Variants in RIMS2 observed in about 807,000 individuals in gnomAD.
The protein encoded by RIMS2 is regulating synaptic membrane exocytosis protein 2.
A neutral mutation model predicts 174.4 loss-of-function variants in RIMS2; 59 were observed. The ratio of observed to expected loss-of-function variants is 0.34; its 90% CI spans 0.27 to 0.42. The LOEUF is 0.42. RIMS2 is among the 10% of genes least tolerant of loss of function. The pLI, the probability that RIMS2 is intolerant of heterozygous loss-of-function variation, is 1.00. For synonymous variants in RIMS2, 606 were observed against 572.5 expected, an observed-to-expected ratio of 1.06 and a Z score of -0.84; for missense variants, 1,620 against 1,666.3, an observed-to-expected ratio of 0.97 and a Z score of 0.48.
intron 3 of RIMS2, among the ~76,000 whole-genome samples, chr8:103,825,811 A>G (rs140059398): frequency 2.6e-4 from 40 of 152,268 alleles, no homozygotes; most frequent in Non-Finnish European, 4.4e-4. Flanking sequence ...CATCATTTTT[A>G]AAAGCACATT....
intron 3 of RIMS2, among the ~76,000 whole-genome samples, chr8:103,847,325 G>A (rs1047029174): frequency 6.6e-6 from 1 of 152,024 alleles, no homozygotes; most frequent in Non-Finnish European, 1.5e-5. Context: ...AATATACTGT[G>A]TCCTGAAGGA....
At chr8:104,239,241 A>G (rs1203402078) in intron 19 of RIMS2, among the ~76,000 whole-genome samples, 19 of 152,306 alleles carry the variant, frequency 1.2e-4, no homozygotes, top group Admixed American at 1.2e-3. Flanking sequence ...ATTAGGGGAA[A>G]CTGACCCTTT....
chr8:104,013,679 T>C, intron 18 of RIMS2, 58 bp downstream of exon 20: 1 of 1,425,224 alleles, frequency 7.0e-7, no homozygotes, highest in Non-Finnish European at 9.8e-7. Context: ...CACCATTTTA[T>C]TTTCCCAACA....
chr8:103,670,650 G>A (rs1427375687), intron 1 of RIMS2, among the ~76,000 whole-genome samples: 1 of 152,146 alleles, frequency 6.6e-6, no homozygotes, highest in African/African-American at 2.4e-5. Context: ...GGGACAAAAT[G>A]TTGCCAGTCT....
At chr8:103,676,067 C>T (rs1008494657) in intron 1 of RIMS2, among the ~76,000 whole-genome samples, 1 of 152,062 alleles carries the variant, frequency 6.6e-6, no homozygotes, top group African/African-American at 2.4e-5. Context: ...AAAAAAGGTA[C>T]ATAAAGACCC....
intron 14 of RIMS2, among the ~76,000 whole-genome samples, chr8:103,945,445 A>G (rs1254477812): frequency 1.3e-5 from 2 of 152,146 alleles, no homozygotes. Context: ...CTATAAGGCC[A>G]GTATTTTCCT....
intron 3 of RIMS2, among the ~76,000 whole-genome samples, chr8:103,828,250 G>C (rs866821025): frequency 2.3e-4 from 35 of 152,054 alleles, no homozygotes; most frequent in African/African-American, 8.0e-4. Flanking sequence ...ATGAACAGTT[G>C]GTATCAAGAT....
intron 19 of RIMS2, among the ~76,000 whole-genome samples, chr8:104,185,027 G>A (rs998907974): frequency 1.7e-4 from 25 of 151,206 alleles, no homozygotes; most frequent in Non-Finnish European, 2.8e-4. Flanking sequence ...TATGACTGGC[G>A]GGTTATAAAA....
intron 1 of RIMS2, among the ~76,000 whole-genome samples, chr8:103,644,062 C>A (rs2096279960): frequency 6.6e-6 from 1 of 151,938 alleles, no homozygotes; most frequent in South Asian, 2.1e-4. Flanking sequence ...GAGGATTTTT[C>A]TCTGATTTTC....
chr8:103,908,521 G>A (rs2074991096), intron 4 of RIMS2, among the ~76,000 whole-genome samples: 1 of 152,130 alleles, frequency 6.6e-6, no homozygotes, highest in African/African-American at 2.4e-5. Context: ...ATGAAATAGA[G>A]TAATTCCCTG....
intron 16 of RIMS2, chr8:103,977,453 A>G (rs1184466475): frequency 6.6e-6 from 1 of 152,188 alleles, no homozygotes; most frequent in Non-Finnish European, 1.5e-5. Context: ...ATAAAAGAAT[A>G]CCTATGTAAA....
chr8:104,230,576 G>A (rs2099221390), intron 19 of RIMS2, among the ~76,000 whole-genome samples: 1 of 152,098 alleles, frequency 6.6e-6, no homozygotes, highest in African/African-American at 2.4e-5. Flanking sequence ...AACCCTGGAG[G>A]CGGAAGTTGC....
At chr8:104,159,442 G>A (rs796235013) in intron 19 of RIMS2, among the ~76,000 whole-genome samples, 2 of 152,126 alleles carry the variant, frequency 1.3e-5, no homozygotes, top group East Asian at 1.9e-4. Context: ...GAAAGTCAGT[G>A]GCAGCTTGAT....
rs769099266 is a variant in RIMS2 at position 103,936,646 on chromosome 8, T to G, written c.2471T>G (p.Phe824Cys). The G allele has an allele frequency of 5.0e-6, 8 of 1,612,512 alleles. No individual in the cohort carries two copies. The highest frequency in any genetic ancestry group is 1.7e-5 in the Admixed American group (1 of 59,804). The change falls in exon 13 of 24, where the codon TTT (phenylalanine) becomes TGT (cysteine). Residue 824 changes from phenylalanine (F) to cysteine (C), a missense_variant. Physicochemically the swap from Phe to Cys is radical, Grantham distance 205 (BLOSUM62 -2). Coordinates refer to ENST00000504942, the Ensembl canonical transcript of RIMS2. ...TATTCTCCAGTCCACCGAAGAGAAT[T>G]TCGGGAACGAATGCTAGAGATTACC...
rs112438634 is a variant in RIMS2, at chr8:103,865,416, C to T, written c.699-19882C>T. The stretch of plus-strand genomic sequence containing the variant: ...TCTCCTACCTCAGCCTCCCAAGTAG[C>T]TGGGATTACAGGTGCATGCCACCAC... On this transcript the variant is annotated intron_variant, in intron 3 of 23. Coordinates refer to ENST00000504942, the Ensembl canonical transcript of RIMS2. Among the ~76,000 whole-genome samples, 55 of 151,422 alleles carry T rather than the reference C, an allele frequency of 3.6e-4. 1 individual carries two copies. Among genetic ancestry groups the T allele is most frequent in the African/African-American group, 1.3e-3 (55 of 41,288 alleles).
chr8:104,145,475 A>T (rs1407932120), intron 19 of RIMS2, among the ~76,000 whole-genome samples: 1 of 151,452 alleles, frequency 6.6e-6, no homozygotes, highest in East Asian at 1.9e-4. Flanking sequence ...ATAAATCAAG[A>T]CTCCCAAAAC....
At chr8:104,210,992 T>C (rs913250464) in intron 19 of RIMS2, among the ~76,000 whole-genome samples, 6 of 152,230 alleles carry the variant, frequency 3.9e-5, no homozygotes, top group African/African-American at 7.2e-5. Flanking sequence ...TCTTTCCTCT[T>C]CATGTTGGAC....
At chr8:103,612,020 C>G (rs1438566262) in intron 1 of RIMS2, among the ~76,000 whole-genome samples, 2 of 151,806 alleles carry the variant, frequency 1.3e-5, no homozygotes, top group Non-Finnish European at 2.9e-5. Flanking sequence ...TAGCTGTCTT[C>G]AAGGTCAGTC....
chr8:103,972,242 C>A (rs912711279), intron 15 of RIMS2, among the ~76,000 whole-genome samples: 1 of 152,148 alleles, frequency 6.6e-6, no homozygotes, highest in African/African-American at 2.4e-5. Context: ...TTCCACCAAA[C>A]CATGTCATTT....
Sources: allele counts gnomAD v4.1 joint callset (sites outside exome capture counted in the v4.1 genomes callset), GRCh38; gene constraint gnomAD v4.1.1; transcripts MANE v1.5; gene names NCBI Gene and HGNC (gene_info 2026-07-23, HGNC 2026-07-21).